NAV2: variants seen among roughly 807,000 people sequenced by gnomAD.
The protein encoded by NAV2 is helicase, APC down-regulated 1.
NAV2 carries 54 observed loss-of-function variants against 223.2 expected under a neutral mutation model. The ratio of observed to expected loss-of-function variants is 0.24; its 90% CI spans 0.19 to 0.30. The LOEUF (loss-of-function observed/expected upper bound fraction) is 0.30. NAV2 is among the 10% of genes least tolerant of loss of function. The pLI, the probability that NAV2 is intolerant of heterozygous loss-of-function variation, is 1.00. For missense variants in NAV2, 2,806 were observed against 3,147.5 expected (o/e 0.89, Z 2.60); for synonymous variants, 1,279 against 1,239.3 (o/e 1.03, Z -0.67).
intron 11 of NAV2, among the ~76,000 whole-genome samples, chr11:19,996,800 C>T (rs1371188746): frequency 3.9e-5 from 6 of 152,132 alleles, no homozygotes; most frequent in Admixed American, 6.5e-5. Flanking sequence ...TAATCTGTGG[C>T]GCTCAGTACT....
intron 6 of NAV2, among the ~76,000 whole-genome samples, chr11:19,916,156 A>G (rs1024839374): frequency 1.3e-5 from 2 of 152,230 alleles, no homozygotes; most frequent in Non-Finnish European, 2.9e-5. Flanking sequence ...AAAATCATGA[A>G]GAGCAAATGA....
At chr11:19,558,088 A>C (rs1361028716) in intron 1 of NAV2, among the ~76,000 whole-genome samples, 2 of 152,148 alleles carry the variant, frequency 1.3e-5, no homozygotes, top group Non-Finnish European at 2.9e-5. Flanking sequence ...TTGTATTTAA[A>C]ACCTGCTGTT....
intron 22 of NAV2, among the ~76,000 whole-genome samples, chr11:20,074,760 C>CTTTTTTTTTTTTTT (rs1554948003): frequency 2.7e-5 from 3 of 110,262 alleles, no homozygotes; most frequent in Non-Finnish European, 5.3e-5. Flanking sequence ...TGCAACTCTG[C>CTTTTTTTTTTTTTT]TTTTTTTTTT....
intron 1 of NAV2, among the ~76,000 whole-genome samples, chr11:19,570,450 A>G (rs2045392043): frequency 6.6e-6 from 1 of 152,244 alleles, no homozygotes; most frequent in South Asian, 2.1e-4. Flanking sequence ...GGTAAAATGG[A>G]TAAGTTGGAC....
chr11:19,564,691 C>T (rs781673695), intron 1 of NAV2, among the ~76,000 whole-genome samples: 3 of 152,180 alleles, frequency 2.0e-5, no homozygotes, highest in Non-Finnish European at 4.4e-5. Flanking sequence ...ATCAGGGGGC[C>T]GGGAGGTCCG....
At chr11:19,624,046 T>C (rs2135436790) in intron 1 of NAV2, among the ~76,000 whole-genome samples, 1 of 152,334 alleles carries the variant, frequency 6.6e-6, no homozygotes, top group Non-Finnish European at 1.5e-5. Context: ...CAGACCCTCT[T>C]TGCCTGAGTA....
At chr11:19,841,446 C>T (rs1173386583) in intron 2 of NAV2, among the ~76,000 whole-genome samples, 1 of 152,040 alleles carries the variant, frequency 6.6e-6, no homozygotes, top group African/African-American at 2.4e-5. Flanking sequence ...TTTTAGGTAT[C>T]ATATTTATTA....
chr11:19,915,026 G>C (rs1006391867), intron 6 of NAV2, among the ~76,000 whole-genome samples: 4 of 152,036 alleles, frequency 2.6e-5, no homozygotes, highest in African/African-American at 9.7e-5. Flanking sequence ...GTTTATCTCT[G>C]TTTTCTTATC....
intron 1 of NAV2, among the ~76,000 whole-genome samples, chr11:19,652,173 A>T (rs550860804): frequency 6.6e-6 from 1 of 152,312 alleles, no homozygotes; most frequent in African/African-American, 2.4e-5. Flanking sequence ...AATCCCAGCT[A>T]ACAGAAGCCT....
chr11:19,767,353 T>A (rs572609194), intron 1 of NAV2, among the ~76,000 whole-genome samples: 1 of 152,314 alleles, frequency 6.6e-6, no homozygotes. Flanking sequence ...GGAGGTCAGA[T>A]GGTCTGGGAT....
chr11:19,806,200 C>T (rs562998179), intron 1 of NAV2, among the ~76,000 whole-genome samples: 5 of 152,202 alleles, frequency 3.3e-5, no homozygotes, highest in Non-Finnish European at 5.9e-5. Context: ...TTCCTTCTGG[C>T]TTTGTAACCT....
intron 1 of NAV2, among the ~76,000 whole-genome samples, chr11:19,579,761 T>C (rs1310715477): frequency 6.6e-6 from 1 of 152,196 alleles, no homozygotes; most frequent in Non-Finnish European, 1.5e-5. Context: ...CATGACCTGG[T>C]CTAGGTAGAT....
intron 1 of NAV2, chr11:19,351,064 G>A (rs2133697074): frequency 1.4e-6 from 2 of 1,390,828 alleles, no homozygotes; most frequent in Non-Finnish European, 9.4e-7. Flanking sequence ...TTGGATTATG[G>A]TGCTGATTGC....
chr11:19,521,915 C>A (rs763832490), intron 1 of NAV2, among the ~76,000 whole-genome samples: 1 of 152,214 alleles, frequency 6.6e-6, no homozygotes, highest in Non-Finnish European at 1.5e-5. Context: ...TCTCTCCCAC[C>A]CTCTGCTCTG....
chr11:19,724,774 GTC>G (rs1215464113), intron 1 of NAV2, among the ~76,000 whole-genome samples: 1 of 152,212 alleles, frequency 6.6e-6, no homozygotes, highest in African/African-American at 2.4e-5. Context: ...TACTGGGACT[GTC>G]TAATTTCAAG....
chr11:19,902,352 A>T (rs2042514031), intron 6 of NAV2, among the ~76,000 whole-genome samples: 1 of 152,202 alleles, frequency 6.6e-6, no homozygotes, highest in African/African-American at 2.4e-5. Flanking sequence ...TGCTGAAGCC[A>T]TCCTTTTTTC....
intron 1 of NAV2, among the ~76,000 whole-genome samples, chr11:19,610,178 G>T (rs939354581): frequency 6.6e-6 from 1 of 152,198 alleles, no homozygotes; most frequent in Non-Finnish European, 1.5e-5. Context: ...CAGTTTGGGA[G>T]CTCAGCTCAG....
At chr11:19,641,304 C>T (rs2047656642) in intron 1 of NAV2, among the ~76,000 whole-genome samples, 1 of 152,162 alleles carries the variant, frequency 6.6e-6, no homozygotes. Context: ...AATCTAGCAA[C>T]AAGGCCATCA....
intron 1 of NAV2, among the ~76,000 whole-genome samples, chr11:19,791,157 C>T (rs571362483): frequency 9.7e-4 from 147 of 152,256 alleles, no homozygotes; most frequent in African/African-American, 3.5e-3. Flanking sequence ...TAACCATTCT[C>T]GGCCAGGAAC....
Sources: gnomAD v4.1 joint callset for allele counts (sites outside exome capture counted in the v4.1 genomes callset) on GRCh38, gnomAD v4.1.1 for gene constraint, MANE v1.5 for transcripts, NCBI Gene and HGNC (gene_info 2026-07-23, HGNC 2026-07-21) for gene names.